VAMP4: variants seen among roughly 807,000 people sequenced by gnomAD.
VAMP4 encodes vesicle associated membrane protein 4.
VAMP4 carries 19 observed loss-of-function variants against 23.5 expected under a neutral mutation model. That is an observed-to-expected ratio of 0.81 (90% CI 0.56 to 1.19). The LOEUF is 1.19. Ranked by LOEUF, VAMP4 falls within the 50% of genes most tolerant of loss-of-function variation. VAMP4 has a pLI of 0.00. For synonymous variants in VAMP4, 31 were observed against 51.0 expected (o/e 0.61, Z 1.67); for missense variants, 145 against 168.6 (o/e 0.86, Z 0.78).
In VAMP4 at chr1:171,723,266, G is replaced by A. The variant is rs571790908; in HGVS notation, c.114-4045C>T. ...AAATTGCTAATGAAGTTTCGGGCAC[G>A]CACTGTCATTGATAACATCTTATCA... On this transcript the variant is annotated intron_variant, in intron 3 of 7. Coordinates refer to ENST00000236192, the MANE Select transcript of VAMP4 (RefSeq NM_003762.5). Among the ~76,000 whole-genome samples the A allele has an allele frequency of 4.6e-5, 7 of 152,284 alleles. No individual in the cohort carries two copies. In the East Asian group the frequency reaches 7.7e-4, roughly 17 times the overall value.
At chr1:171,722,989 G>C (rs139571192) in intron 3 of VAMP4, among the ~76,000 whole-genome samples, 244 of 152,252 alleles carry the variant, frequency 1.6e-3, no homozygotes, top group African/African-American at 5.4e-3. Context: ...GTGTCGGCTG[G>C]TCTGAGTAAT....
Position 171,703,022 on chromosome 1 carries a change from A to T in VAMP4, c.*1484T>A, listed in dbSNP as rs1042852618. The T allele has an allele frequency of 7.2e-5, 11 of 151,970 alleles. No individual in the cohort carries two copies. The highest frequency in any genetic ancestry group is 3.3e-4 in the Admixed American group (5 of 15,244). 9.4% of individuals were successfully genotyped at this position (151,970 alleles called of 1,614,324 possible). ...AAACAGACAAAAAAACACCAAACCC[A>T]GATTCTATGCTTTATTCATTTTGCA... On this transcript the variant is annotated 3_prime_UTR_variant, in exon 8 of 8. Transcript: ENST00000236192.
chr1:171,739,551 T>C (rs1014123499), intron 1 of VAMP4, among the ~76,000 whole-genome samples: 2 of 152,278 alleles, frequency 1.3e-5, no homozygotes, highest in African/African-American at 2.4e-5. Context: ...AGCCAGTCAG[T>C]TGGAAACACA....
intron 3 of VAMP4, among the ~76,000 whole-genome samples, chr1:171,721,284 T>A (rs1304816858): frequency 6.6e-6 from 1 of 152,086 alleles, no homozygotes; most frequent in Non-Finnish European, 1.5e-5. Flanking sequence ...CTCTACTCAA[T>A]ATTGTGCTGG....
chr1:171,733,245 C>T (rs907978855), intron 2 of VAMP4, among the ~76,000 whole-genome samples: 5 of 147,344 alleles, frequency 3.4e-5, no homozygotes, highest in Non-Finnish European at 5.9e-5. Flanking sequence ...ATCACTTGAG[C>T]CCCGGAGTTC....
chr1:171,738,341 G>A lies in VAMP4; in HGVS notation c.66+8C>T, dbSNP rs371188095. 37 of 1,613,284 alleles carry A rather than the reference G, an allele frequency of 2.3e-5. No homozygotes were observed. Among genetic ancestry groups the A allele is most frequent in the East Asian group, 1.1e-4 (5 of 44,870 alleles). ...TTTTGTTTTTAAAGCTTAAGATTCC[G>A]AACTTACCCTTTCACTTTTCACAGA... is the stretch of plus-strand genomic sequence containing the variant. On this transcript the variant is annotated splice_region_variant and intron_variant, in intron 2 of 7. Transcript: ENST00000236192.
rs895378428 is a variant in VAMP4, at chr1:171,701,909, T to G, written c.*2597A>C. 6.6e-6 allele frequency: 1 copy of G among 152,138 alleles called. No individual in the cohort carries two copies. The highest frequency in any genetic ancestry group is 2.4e-5 in the African/African-American group (1 of 41,456). The allele number at this position is 152,138 out of a possible 1,614,324, so 9.4% of individuals were successfully genotyped here. On this transcript the variant is annotated 3_prime_UTR_variant, in exon 8 of 8. Transcript: ENST00000236192. ...CTGCAAGGCAATAGGCTTCTGTAAT[T>G]AAACATAAATCACAAAGGTATGGAT...
At chr1:171,725,709 T>TA (rs1200655230) in intron 3 of VAMP4, among the ~76,000 whole-genome samples, 3 of 152,092 alleles carry the variant, frequency 2.0e-5, no homozygotes, top group Non-Finnish European at 4.4e-5. Flanking sequence ...TTTTTTTTTT[T>TA]AGATGGAGTC....
At chr1:171,735,456 T>C (rs1306314243) in intron 2 of VAMP4, among the ~76,000 whole-genome samples, 1 of 152,218 alleles carries the variant, frequency 6.6e-6, no homozygotes. Flanking sequence ...TACATTTCCA[T>C]ACTTCAGTCT....
chr1:171,734,309 T>G (rs180978484), intron 2 of VAMP4, among the ~76,000 whole-genome samples: 2 of 147,070 alleles, frequency 1.4e-5, no homozygotes, highest in Non-Finnish European at 3.0e-5. Flanking sequence ...ATATGCACTA[T>G]AACGTTGAGG....
rs761516757 is a variant in VAMP4 at position 171,719,239 on chromosome 1, C to A, written c.114-18G>T. ...GTCCCCTTCTGAAAACAAGTACATA[C>A]CAAGTACATATTAGTAGTGACAGGA... is the stretch of plus-strand genomic sequence containing the variant. On this transcript the variant is annotated intron_variant, in intron 3 of 7. Coordinates refer to ENST00000236192, the MANE Select transcript of VAMP4 (RefSeq NM_003762.5). 1 of 1,602,632 alleles carries A rather than the reference C, an allele frequency of 6.2e-7. No homozygotes were observed. The highest frequency in any genetic ancestry group is 2.2e-5 in the East Asian group (1 of 44,622).
Position 171,710,830 on chromosome 1 carries a change from T to C in VAMP4, c.165-16A>G. 1.3e-6 allele frequency: 2 copies of C among 1,543,270 alleles called. No individual in the cohort carries two copies. Among genetic ancestry groups the C allele is most frequent in the Non-Finnish European group, 1.8e-6 (2 of 1,129,610 alleles). The stretch of plus-strand genomic sequence containing the variant: ...ATTCTGAACACTAGTTTAAAAAAGA[T>C]ACACAATTATTTATCCTTCTTTTGA... On this transcript the variant is annotated splice_polypyrimidine_tract_variant and intron_variant, in intron 4 of 7. Transcript: ENST00000236192.
At chr1:171,711,116 T>C (rs555087871) in intron 4 of VAMP4, among the ~76,000 whole-genome samples, 2 of 152,242 alleles carry the variant, frequency 1.3e-5, no homozygotes, top group Non-Finnish European at 2.9e-5. Flanking sequence ...GTACAGAATT[T>C]AGTTAAACAG....
chr1:171,738,265 G>C, intron 2 of VAMP4, 84 bp downstream of exon 2: 1 of 1,516,352 alleles, frequency 6.6e-7, no homozygotes, highest in African/African-American at 1.4e-5. Context: ...ACCACGCCCG[G>C]ATGGTTTTTC....
intron 6 of VAMP4, 22 bp from the exon 7 acceptor site, chr1:171,706,440 A>G: frequency 6.3e-7 from 1 of 1,594,398 alleles, no homozygotes; most frequent in Middle Eastern, 1.7e-4. Flanking sequence ...AAAAGGGCAT[A>G]TATATTAATA....
At chr1:171,729,815 A>T (rs929776558) in intron 2 of VAMP4, among the ~76,000 whole-genome samples, 3 of 152,294 alleles carry the variant, frequency 2.0e-5, no homozygotes, top group Non-Finnish European at 4.4e-5. Flanking sequence ...GCATGCCACC[A>T]CACCTGGCTA....
chr1:171,726,548 C>G (rs1419928855), intron 3 of VAMP4, among the ~76,000 whole-genome samples: 3 of 152,054 alleles, frequency 2.0e-5, no homozygotes, highest in African/African-American at 7.2e-5. Flanking sequence ...TATGAGATAC[C>G]AAGGTAATTC....
intron 6 of VAMP4, among the ~76,000 whole-genome samples, chr1:171,707,867 C>A (rs1654707053): frequency 6.6e-6 from 1 of 151,956 alleles, no homozygotes; most frequent in South Asian, 2.1e-4. Flanking sequence ...AAAAAAAAAG[C>A]TAGGCAAAAT....
At chr1:171,718,608 TGATA>T (rs1158933701) in intron 4 of VAMP4, among the ~76,000 whole-genome samples, 2 of 152,148 alleles carry the variant, frequency 1.3e-5, no homozygotes, top group African/African-American at 4.8e-5. Context: ...ATATGGGTTA[TGATA>T]AATAAGAGAT....
Sources: allele counts gnomAD v4.1 joint callset (sites outside exome capture counted in the v4.1 genomes callset), GRCh38; gene constraint gnomAD v4.1.1; transcripts MANE v1.5; gene names NCBI Gene and HGNC (gene_info 2026-07-23, HGNC 2026-07-21).